Variants in SEC16B observed in about 807,000 individuals in gnomAD.
The protein encoded by SEC16B is protein transport protein Sec16B.
SEC16B carries 115 observed loss-of-function variants against 141.8 expected under a neutral mutation model. The observed-to-expected ratio is 0.81, with a 90% CI of 0.70 to 0.95. The LOEUF (loss-of-function observed/expected upper bound fraction) is 0.95, where lower values mean the gene tolerates loss of function less well. Among genes scored for constraint, SEC16B ranks in the 40% least tolerant of loss-of-function variants. The pLI is 0.00. For synonymous variants in SEC16B, 493 were observed against 492.5 expected (o/e 1.00, Z -0.01); for missense variants, 1,291 against 1,312.3 (o/e 0.98, Z 0.25).
intron 18 of SEC16B, among the ~76,000 whole-genome samples, chr1:177,939,347 T>C (rs12404221): frequency 0.084 from 12,727 of 152,300 alleles, 798 homozygotes; most frequent in East Asian, 0.29. Context: ...AGCACTCACA[T>C]AAGATACAGA....
upstream of SEC16B, chr1:177,971,579 C>T (rs1435263170): frequency 1.3e-5 from 2 of 152,210 alleles, no homozygotes; most frequent in East Asian, 3.8e-4. Flanking sequence ...CACAAAAGTT[C>T]TTGATGTCAC....
intron 16 of SEC16B, among the ~76,000 whole-genome samples, chr1:177,941,070 T>C (rs1651236165): frequency 6.6e-6 from 1 of 152,244 alleles, no homozygotes; most frequent in Admixed American, 6.5e-5. Context: ...GTAAACTTGT[T>C]AAAATGCTAA....
At chr1:177,974,673 A>G (rs1654098974), upstream of SEC16B, among the ~76,000 whole-genome samples, 1 of 152,240 alleles carries the variant, frequency 6.6e-6, no homozygotes, top group South Asian at 2.1e-4. Context: ...TCACTTCTAC[A>G]GCATATGGAA....
upstream of SEC16B, among the ~76,000 whole-genome samples, chr1:177,972,501 A>C (rs1654000772): frequency 6.6e-6 from 1 of 152,174 alleles, no homozygotes. Flanking sequence ...TGGATAATCC[A>C]GTAGGCTCCC....
intron 10 of SEC16B, among the ~76,000 whole-genome samples, chr1:177,954,631 T>A (rs1008687710): frequency 1.3e-5 from 2 of 152,248 alleles, no homozygotes; most frequent in Non-Finnish European, 2.9e-5. Flanking sequence ...CAGACATGGT[T>A]GCCAGTTAGC....
chr1:177,938,370 T>C (rs1022309522), intron 18 of SEC16B, among the ~76,000 whole-genome samples: 1 of 152,236 alleles, frequency 6.6e-6, no homozygotes, highest in African/African-American at 2.4e-5. Flanking sequence ...AAGGTGAACA[T>C]GGGTCATGTG....
chr1:177,964,446 TC>T (rs765625175), intron 4 of SEC16B, among the ~76,000 whole-genome samples, 167 bp from the exon 5 acceptor site: 6 of 152,142 alleles, frequency 3.9e-5, no homozygotes, highest in Non-Finnish European at 7.4e-5. Context: ...AATCTACTAA[TC>T]CCAGAAAAAC....
At chr1:177,976,152 G>A (rs1654162636) in intron 1 of SEC16B, among the ~76,000 whole-genome samples, 1 of 152,204 alleles carries the variant, frequency 6.6e-6, no homozygotes, top group Non-Finnish European at 1.5e-5. Context: ...CACCTACGTA[G>A]CTGCCTGCAA....
intron 12 of SEC16B, among the ~76,000 whole-genome samples, chr1:177,950,907 G>A (rs1263927028): frequency 7.1e-6 from 1 of 141,458 alleles, no homozygotes; most frequent in Non-Finnish European, 1.5e-5. Flanking sequence ...AAAGAAGGAA[G>A]GAAGGAAGAA....
Position 177,965,083 on chromosome 1 carries a change from T to C in SEC16B, c.497A>G (p.His166Arg). 2 of 1,613,682 alleles carry C rather than the reference T, an allele frequency of 1.2e-6. No homozygotes were observed. Among genetic ancestry groups the C allele is most frequent in the East Asian group, 2.2e-5 (1 of 44,860 alleles). ...YLDEHHYENQ[H>R]SPFGTNSETH... ...CTCACTATTTGTTCCAAATGGACTG[T>C]GCTGGTTTTCATAATGATGTTCATC... Residue 166 changes from histidine to arginine, a missense_variant, in exon 4 of 26, where the codon CAC becomes CGC. Transcript: ENST00000308284.
chr1:177,956,411 G>C (rs190245254), intron 10 of SEC16B, among the ~76,000 whole-genome samples: 203 of 152,018 alleles, frequency 1.3e-3, no homozygotes, highest in African/African-American at 4.6e-3. Flanking sequence ...AAAAAGGGAA[G>C]GTACAGAAAT....
intron 5 of SEC16B, among the ~76,000 whole-genome samples, chr1:177,963,506 G>A (rs935900821): frequency 2.6e-5 from 4 of 152,116 alleles, no homozygotes; most frequent in African/African-American, 9.7e-5. Flanking sequence ...GGGAGGCTGA[G>A]GCAGGAGATT....
chr1:177,933,113 G>T, intron 22 of SEC16B, 101 bp downstream of exon 22: 1 of 916,642 alleles, frequency 1.1e-6, no homozygotes, highest in Non-Finnish European at 1.7e-6. Context: ...ATGTGGCCTG[G>T]GGTAGACTCA....
chr1:177,975,489 G>A (rs1306827821), intron 1 of SEC16B, among the ~76,000 whole-genome samples: 1 of 152,084 alleles, frequency 6.6e-6, no homozygotes, highest in Non-Finnish European at 1.5e-5. Flanking sequence ...TGGATAAAGG[G>A]CTGCTGTGTG....
rs965762070 is a variant in SEC16B at position 177,939,569 on chromosome 1, A to G, written c.2203+133T>C. 8.3e-6 allele frequency: 6 copies of G among 724,568 alleles called. No individual in the cohort carries two copies. The African/African-American group carries it at 1.1e-4, about 13-fold the overall frequency. 44.9% of individuals were successfully genotyped at this position (724,568 alleles called of 1,614,324 possible). ...GCTGGGTGGAGAAGGCGCCTGGACA[A>G]CGGGGCGGACTTACACAGGCAAGGC... is the stretch of plus-strand genomic sequence containing the variant. On this transcript the variant is annotated intron_variant, in intron 18 of 25. Transcript: ENST00000308284.
At chr1:177,964,001 G>A (rs752554440) in intron 5 of SEC16B, among the ~76,000 whole-genome samples, 170 bp downstream of exon 5, 3 of 152,156 alleles carry the variant, frequency 2.0e-5, no homozygotes, top group Admixed American at 2.0e-4. Context: ...AGGCAGTAAG[G>A]AGGGAAAAAA....
chr1:177,962,378 T>C (rs1571344148), intron 5 of SEC16B, among the ~76,000 whole-genome samples: 1 of 150,402 alleles, frequency 6.6e-6, no homozygotes, highest in Non-Finnish European at 1.5e-5. Context: ...CCCTCCTTCA[T>C]TGACTGTTTA....
chr1:177,931,760 C>G (rs1650431587), intron 24 of SEC16B, among the ~76,000 whole-genome samples: 1 of 152,124 alleles, frequency 6.6e-6, no homozygotes, highest in Admixed American at 6.5e-5. Context: ...ATATAGCCTT[C>G]AAAAGGCCTA....
At chr1:177,972,983 G>A (rs1456972345), upstream of SEC16B, among the ~76,000 whole-genome samples, 2 of 152,122 alleles carry the variant, frequency 1.3e-5, no homozygotes, top group East Asian at 3.8e-4. Context: ...CAGATCTGCT[G>A]GAATCTTGAT....
Sources: gnomAD v4.1 joint callset for allele counts (sites outside exome capture counted in the v4.1 genomes callset) on GRCh38, gnomAD v4.1.1 for gene constraint, MANE v1.5 for transcripts, NCBI Gene and HGNC (gene_info 2026-07-23, HGNC 2026-07-21) for gene names.